Variants in SLC12A7 observed in about 807,000 individuals in gnomAD.
The protein encoded by SLC12A7 is K-Cl cotransporter 4.
Under a neutral mutation model 120.6 loss-of-function variants are expected in SLC12A7, and 100 were observed. That is an observed-to-expected ratio of 0.83 (90% confidence interval 0.71 to 0.98). The LOEUF is 0.98. SLC12A7 is among the 50% of genes least tolerant of loss of function. The probability of loss-of-function intolerance (pLI) is 0.00; values close to 1 mark genes in which losing one functional copy is unlikely to be tolerated. For missense variants in SLC12A7, 1,373 were observed against 1,548.1 expected (o/e 0.89, Z 1.90); for synonymous variants, 760 against 678.0 (o/e 1.12, Z -1.88).
the SLC12A7 span, among the ~76,000 whole-genome samples, chr5:1,129,856 C>A: frequency 6.6e-6 from 1 of 152,164 alleles, no homozygotes; most frequent in Non-Finnish European, 1.5e-5. Flanking sequence ...AGGAAAAGAA[C>A]GCCCTGCTGC....
the SLC12A7 span, among the ~76,000 whole-genome samples, chr5:1,150,010 A>G: frequency 6.6e-6 from 1 of 152,244 alleles, no homozygotes; most frequent in Non-Finnish European, 1.5e-5. Flanking sequence ...AGCCTGGGCA[A>G]CGAGAGCGAA....
chr5:1,105,221 G>A (rs567457274), intron 1 of SLC12A7, among the ~76,000 whole-genome samples: 24 of 145,220 alleles, frequency 1.7e-4, no homozygotes, highest in Admixed American at 1.4e-3. Flanking sequence ...GACCCTCCCC[G>A]CAGGGATGAG....
rs1014764964 is a variant in SLC12A7 at position 1,079,164 on chromosome 5, C to T, written c.1396+234G>A. ...ACCGCTGCGCATCACTGTCCACACG[C>T]GGCAGGGTGACTGCTTCTGTTTTCT... On this transcript the variant is annotated intron_variant, in intron 10 of 23. Coordinates refer to ENST00000264930, the MANE Select transcript of SLC12A7 (RefSeq NM_006598.3). Among the ~76,000 whole-genome samples the T allele has an allele frequency of 3.9e-5, 6 of 152,168 alleles. No individual in the cohort carries two copies. In the East Asian group the frequency reaches 5.8e-4, roughly 15 times the overall value.
chr5:1,064,302 A>AG, intron 18 of SLC12A7, 50 bp from the exon 19 acceptor site: 1 of 1,571,070 alleles, frequency 6.4e-7, no homozygotes, highest in Non-Finnish European at 8.6e-7. Flanking sequence ...AGGGTGCGGA[A>AG]GGGGCCTCCC....
upstream of SLC12A7, among the ~76,000 whole-genome samples, chr5:1,113,873 C>G (rs1743207297): frequency 6.6e-6 from 1 of 152,204 alleles, no homozygotes; most frequent in African/African-American, 2.4e-5. Context: ...TGGTTGCCAC[C>G]CAGCGCTATT....
At chr5:1,145,615 C>T in the SLC12A7 span, among the ~76,000 whole-genome samples, 3 of 152,098 alleles carry the variant, frequency 2.0e-5, no homozygotes. The surrounding 1 kb of genome is among the most constrained non-coding windows in gnomAD (Gnocchi z 4.4). Context: ...AAAAATATCT[C>T]TTCCAAGAGG....
At chr5:1,126,782 T>A in the SLC12A7 span, among the ~76,000 whole-genome samples, 6 of 152,186 alleles carry the variant, frequency 3.9e-5, no homozygotes, top group Non-Finnish European at 7.3e-5. Context: ...ATACAACCTA[T>A]CGAAACCATA....
intron 3 of SLC12A7, among the ~76,000 whole-genome samples, chr5:1,093,251 G>A (rs79086942): frequency 0.038 from 5,818 of 152,212 alleles, 144 homozygotes; most frequent in Non-Finnish European, 0.062. Flanking sequence ...GGCCGCTCCC[G>A]CAGAACGAAC....
At chr5:1,124,879 A>G in the SLC12A7 span, among the ~76,000 whole-genome samples, 1 of 152,328 alleles carries the variant, frequency 6.6e-6, no homozygotes, top group South Asian at 2.1e-4. Flanking sequence ...GCCAGACCTC[A>G]AATCTCACAC....
At chr5:1,056,675 CAGG>C (rs1735648250) in intron 22 of SLC12A7, 2 of 735,536 alleles carry the variant, frequency 2.7e-6, no homozygotes, top group Admixed American at 1.3e-4. Context: ...CATGGCTGCC[CAGG>C]AGGACGCCGC....
At chr5:1,147,111 TAAAAACA>T in the SLC12A7 span, among the ~76,000 whole-genome samples, 17 of 151,970 alleles carry the variant, frequency 1.1e-4, 1 homozygote, top group Non-Finnish European at 1.9e-4. Flanking sequence ...TTTTGTAAAC[TAAAAACA>T]AAATCCAAAG....
rs914897225 is a variant in SLC12A7, at chr5:1,053,423, T to C, written c.3086A>G (p.Asn1029Ser). Residue 1029 changes from asparagine (N) to serine (S), a missense_variant, in exon 23 of 24, where the codon AAC becomes AGC. Physicochemically the swap from Asn to Ser is conservative, Grantham distance 46 (BLOSUM62 1). Transcript: ENST00000264930. The stretch of plus-strand genomic sequence containing the variant: ...GACCAGCTGCGCATCCTGGGACTTG[T>C]TGAGGACGACGCCATTGAGCTTCAC... ...TAVKLNGVVL[N>S]KSQDAQLVLL... 3 of 1,613,990 alleles carry C rather than the reference T, an allele frequency of 1.9e-6. No homozygotes were observed. Among genetic ancestry groups the C allele is most frequent in the Non-Finnish European group, 2.5e-6 (3 of 1,180,010 alleles).
chr5:1,142,639 T>C, the SLC12A7 span, among the ~76,000 whole-genome samples: 1 of 148,774 alleles, frequency 6.7e-6, no homozygotes, highest in Admixed American at 6.7e-5. Context: ...GCTGTCTCTG[T>C]CTGGCTGTCT....
chr5:1,137,275 C>T, the SLC12A7 span, among the ~76,000 whole-genome samples: 1 of 152,184 alleles, frequency 6.6e-6, no homozygotes, highest in Non-Finnish European at 1.5e-5. Flanking sequence ...GAGCCACTTC[C>T]TGCGTAGCCC....
chr5:1,146,584 C>T, the SLC12A7 span, among the ~76,000 whole-genome samples: 1 of 152,178 alleles, frequency 6.6e-6, no homozygotes, highest in African/African-American at 2.4e-5. This position sits in a 1 kb window ranked among gnomAD's most constrained non-coding sequence, Gnocchi z 6.5. Flanking sequence ...AAGCGGTGGT[C>T]GGCCATGCCT....
intron 3 of SLC12A7, among the ~76,000 whole-genome samples, chr5:1,091,683 ACT>A (rs1740514331): frequency 6.8e-6 from 1 of 148,130 alleles, no homozygotes; most frequent in Non-Finnish European, 1.5e-5. Flanking sequence ...GCGGAAAGGT[ACT>A]GAGTGCTGAG....
the SLC12A7 span, among the ~76,000 whole-genome samples, chr5:1,136,526 A>G: frequency 7.6e-6 from 1 of 131,552 alleles, no homozygotes; most frequent in African/African-American, 3.3e-5. Flanking sequence ...CAACACCAGT[A>G]CACGCAGGCA....
At chr5:1,058,223 C>T (rs770616769) in intron 21 of SLC12A7, among the ~76,000 whole-genome samples, 7 of 152,374 alleles carry the variant, frequency 4.6e-5, no homozygotes, top group Non-Finnish European at 8.8e-5. Context: ...ATGAAAACAC[C>T]GTCCACGCCC....
the SLC12A7 span, among the ~76,000 whole-genome samples, chr5:1,133,724 G>T: frequency 6.6e-6 from 1 of 152,098 alleles, no homozygotes. Flanking sequence ...GGAGTTTCGG[G>T]GTATGAACAT....
Sources: allele counts gnomAD v4.1 joint callset (sites outside exome capture counted in the v4.1 genomes callset), GRCh38; gene constraint gnomAD v4.1.1; non-coding constraint Gnocchi (gnomAD v3.1); transcripts MANE v1.5; gene names NCBI Gene and HGNC (gene_info 2026-07-23, HGNC 2026-07-21).